XG: variants seen among roughly 807,000 people sequenced by gnomAD.
The protein encoded by XG is glycoprotein Xg.
A neutral mutation model predicts 25.7 loss-of-function variants in XG; 24 were observed. The observed-to-expected ratio is 0.93, with a 90% confidence interval of 0.68 to 1.31. XG has a LOEUF of 1.31. Among genes scored for constraint, XG ranks in the 40% most tolerant of loss-of-function variants. The pLI, the probability that XG is intolerant of heterozygous loss-of-function variation, is 0.00. For missense variants in XG, 181 were observed against 187.6 expected, an observed-to-expected ratio of 0.96 and a Z score of 0.21; for synonymous variants, 77 against 69.2, an observed-to-expected ratio of 1.11 and a Z score of -0.56.
intron 8 of XG, among the ~76,000 whole-genome samples, chrX:2,807,874 C>T: frequency 8.9e-6 from 1 of 111,834 alleles, no homozygotes; most frequent in Non-Finnish European, 1.9e-5. Flanking sequence ...GCATGTGTGT[C>T]CATGGGGTTG....
Position 2,804,785 on chromosome X carries a change from C to T in XG, c.374-1916C>T, listed in dbSNP as rs890704047. Among the ~76,000 whole-genome samples, 9 of 111,231 alleles carry T rather than the reference C, an allele frequency of 8.1e-5. 1 individual carries two copies. Among genetic ancestry groups the T allele is most frequent in the Admixed American group, 4.8e-4 (5 of 10,431 alleles). ...TTTTGGGGGACCATTATCTGGCTCCCGAATGGATCAAAGCTTACTGGTCAG... is the reference window on the plus strand; with the variant it reads ...TTTTGGGGGACCATTATCTGGCTCCTGAATGGATCAAAGCTTACTGGTCAG... On this transcript the variant is annotated intron_variant, in intron 7 of 10. Transcript: ENST00000644266.
chrX:2,764,797 T>C, intron 1 of XG, among the ~76,000 whole-genome samples: 1 of 152,046 alleles, frequency 6.6e-6, no homozygotes, highest in East Asian at 1.9e-4. Context: ...TTACAGCACT[T>C]TGGGAGGCCG....
chrX:2,792,223 T>C (rs1603457635), intron 5 of XG, among the ~76,000 whole-genome samples: 1 of 111,930 alleles, frequency 8.9e-6, no homozygotes, highest in African/African-American at 3.3e-5. Flanking sequence ...CGGAGTTCAG[T>C]TGGAGTTGCA....
chrX:2,770,514 T>C (rs2050794463), intron 1 of XG, 36 bp from the exon 2 acceptor site: 3 of 1,613,682 alleles, frequency 1.9e-6, no homozygotes, highest in Non-Finnish European at 2.5e-6. Context: ...GGCCTTTCCA[T>C]CATGGGGTGA....
chrX:2,770,515 C>CA (rs751483772), intron 1 of XG, 35 bp from the exon 2 acceptor site: 1 of 1,613,610 alleles, frequency 6.2e-7, no homozygotes, highest in Non-Finnish European at 8.5e-7. Flanking sequence ...GCCTTTCCAT[C>CA]ATGGGGTGAC....
At chrX:2,812,261 G>A (rs1222421295) in intron 10 of XG, among the ~76,000 whole-genome samples, 1 of 111,723 alleles carries the variant, frequency 9.0e-6, no homozygotes. Flanking sequence ...AAGATCTGCT[G>A]TGGCTTCCTG....
chrX:2,769,655 G>A (rs185184973), intron 1 of XG, among the ~76,000 whole-genome samples: 59 of 152,328 alleles, frequency 3.9e-4, no homozygotes, highest in Non-Finnish European at 6.6e-4. Context: ...ATGTCAGCAA[G>A]AGGGACCCTT....
intron 3 of XG, among the ~76,000 whole-genome samples, chrX:2,780,583 C>T (rs1201744290): frequency 6.6e-6 from 1 of 151,736 alleles, no homozygotes; most frequent in African/African-American, 2.4e-5. Flanking sequence ...CAAAAGTTAG[C>T]TGGGCATGGT....
chrX:2,754,822 AG>A (rs2050400766), intron 1 of XG, among the ~76,000 whole-genome samples: 1 of 152,170 alleles, frequency 6.6e-6, no homozygotes, highest in South Asian at 2.1e-4. Flanking sequence ...ACCCAAATTG[AG>A]GGTGGGTCCG....
At chrX:2,791,591 C>T (rs774062785) in intron 5 of XG, among the ~76,000 whole-genome samples, 3 of 109,654 alleles carry the variant, frequency 2.7e-5, no homozygotes, top group Admixed American at 2.0e-4. Flanking sequence ...TCTGCATTCC[C>T]GTACTCCATA....
chrX:2,769,822 G>T (rs1448802256), intron 1 of XG, among the ~76,000 whole-genome samples: 4 of 152,170 alleles, frequency 2.6e-5, no homozygotes, highest in Non-Finnish European at 5.9e-5. Context: ...CCCTGTATTT[G>T]TCAGTGTAGG....
intron 4 of XG, among the ~76,000 whole-genome samples, chrX:2,786,260 C>CCTTTTTTTTTTTTTTTTT (rs2086782547): frequency 1.7e-5 from 1 of 60,571 alleles, no homozygotes; most frequent in African/African-American, 7.0e-5. Context: ...TCCATGTTGT[C>CCTTTTTTTTTTTTTTTTT]TTTTTTTTTT....
At chrX:2,757,032 AAG>A in intron 1 of XG, among the ~76,000 whole-genome samples, 1 of 152,122 alleles carries the variant, frequency 6.6e-6, no homozygotes, top group Non-Finnish European at 1.5e-5. Context: ...GTAAATGCAG[AAG>A]AGTTTGTTGC....
intron 9 of XG, 74 bp from the exon 10 acceptor site, chrX:2,811,262 A>T (rs2087052757): frequency 5.9e-6 from 5 of 854,521 alleles, no homozygotes; most frequent in Non-Finnish European, 8.5e-6. Context: ...TTTTGGACCA[A>T]CCTAATATTT....
chrX:2,768,871 A>T (rs905506481), intron 1 of XG, among the ~76,000 whole-genome samples: 4 of 152,204 alleles, frequency 2.6e-5, no homozygotes, highest in Admixed American at 2.6e-4. Context: ...GCCTGTAGTG[A>T]TCGCTGGTAA....
chrX:2,755,496 G>C (rs2050414765), intron 1 of XG, among the ~76,000 whole-genome samples: 1 of 152,120 alleles, frequency 6.6e-6, no homozygotes, highest in African/African-American at 2.4e-5. Context: ...TTATCAGCTA[G>C]GTCTTTATGA....
intron 4 of XG, among the ~76,000 whole-genome samples, chrX:2,789,049 A>T (rs1232872226): frequency 9.0e-6 from 1 of 111,420 alleles, no homozygotes; most frequent in African/African-American, 3.3e-5. Context: ...TGGGCAACAT[A>T]GCAAGACCTT....
intron 6 of XG, among the ~76,000 whole-genome samples, chrX:2,796,313 A>G (rs2086885861): frequency 9.2e-6 from 1 of 108,800 alleles, no homozygotes; most frequent in Non-Finnish European, 1.9e-5. Flanking sequence ...GTATAAACAC[A>G]TATTTGTAAA....
At chrX:2,799,211 A>G (rs752840763) in intron 7 of XG, among the ~76,000 whole-genome samples, 2 of 111,242 alleles carry the variant, frequency 1.8e-5, no homozygotes, top group African/African-American at 6.5e-5. Context: ...ATAGTACCTG[A>G]TAGGTAGTTT....
Sources: allele counts gnomAD v4.1 joint callset (sites outside exome capture counted in the v4.1 genomes callset), GRCh38; gene constraint gnomAD v4.1.1; transcripts MANE v1.5; gene names NCBI Gene and HGNC (gene_info 2026-07-23, HGNC 2026-07-21).